The following CSMD1 variants were observed in gnomAD, a reference collection of about 807,000 sequenced individuals.
CSMD1 encodes the protein CUB and sushi domain-containing protein 1.
A neutral mutation model predicts 417.5 loss-of-function variants in CSMD1; 213 were observed. The observed-to-expected ratio is 0.51, with a 90% CI of 0.46 to 0.57. The LOEUF is 0.57. Among genes scored for constraint, CSMD1 ranks in the 20% least tolerant of loss-of-function variants. The probability of loss-of-function intolerance (pLI) is 0.00; values close to 1 mark genes in which losing one functional copy is unlikely to be tolerated. For synonymous variants in CSMD1, 2,862 were observed against 1,736.8 expected, an observed-to-expected ratio of 1.65 and a Z score of -16.11; for missense variants, 6,923 against 4,529.7, an observed-to-expected ratio of 1.53 and a Z score of -15.17.
chr8:4,028,350 T>C (rs1339996295), intron 4 of CSMD1, among the ~76,000 whole-genome samples: 2 of 152,112 alleles, frequency 1.3e-5, no homozygotes, highest in African/African-American at 4.8e-5. Flanking sequence ...CTTATGAAGA[T>C]TAAATTTGCT....
chr8:4,451,880 TTC>T (rs932268429), intron 2 of CSMD1, among the ~76,000 whole-genome samples: 8 of 151,634 alleles, frequency 5.3e-5, no homozygotes, highest in East Asian at 1.9e-4. Context: ...ACCTCATGTG[TTC>T]TCTTTTTTCT....
intron 5 of CSMD1, among the ~76,000 whole-genome samples, chr8:3,794,429 G>A (rs1023006048): frequency 2.6e-5 from 4 of 152,114 alleles, no homozygotes; most frequent in Non-Finnish European, 2.9e-5. Context: ...TTTGTTAAAT[G>A]TAGTGATCAT....
chr8:4,550,508 CG>C (rs1797823593), intron 2 of CSMD1, among the ~76,000 whole-genome samples: 3 of 152,046 alleles, frequency 2.0e-5, no homozygotes, highest in Admixed American at 2.0e-4. Flanking sequence ...TTTAACTGTG[CG>C]GAAGCTGTTA....
At chr8:3,621,150 G>A (rs749622841) in intron 7 of CSMD1, among the ~76,000 whole-genome samples, 5 of 152,148 alleles carry the variant, frequency 3.3e-5, no homozygotes, top group Non-Finnish European at 5.9e-5. Context: ...CTTGATCTCA[G>A]GCTTCTACCC....
chr8:4,053,621 G>C (rs986794870), intron 3 of CSMD1, among the ~76,000 whole-genome samples: 1 of 151,940 alleles, frequency 6.6e-6, no homozygotes, highest in Non-Finnish European at 1.5e-5. Flanking sequence ...TATTACTACA[G>C]ATTTCATTTG....
intron 3 of CSMD1, among the ~76,000 whole-genome samples, chr8:4,250,256 C>A (rs1715102182): frequency 6.6e-6 from 1 of 152,144 alleles, no homozygotes; most frequent in Non-Finnish European, 1.5e-5. Context: ...CCTGCAAGAA[C>A]AAAAAGCCTC....
chr8:4,901,452 A>T (rs1804865287), intron 1 of CSMD1, among the ~76,000 whole-genome samples: 1 of 152,318 alleles, frequency 6.6e-6, no homozygotes, highest in Non-Finnish European at 1.5e-5. Flanking sequence ...TTTAATACAT[A>T]GTTGAGAATT....
intron 3 of CSMD1, among the ~76,000 whole-genome samples, chr8:4,067,087 G>A (rs996014065): frequency 6.6e-6 from 1 of 152,232 alleles, no homozygotes; most frequent in Non-Finnish European, 1.5e-5. Flanking sequence ...ACACAGAGAA[G>A]GGTACAAGGC....
intron 2 of CSMD1, among the ~76,000 whole-genome samples, chr8:4,440,716 C>A (rs1421351593): frequency 6.6e-6 from 1 of 152,160 alleles, no homozygotes; most frequent in East Asian, 1.9e-4. Context: ...TTAATTCTGG[C>A]CGGGTGTGGT....
intron 10 of CSMD1, among the ~76,000 whole-genome samples, chr8:3,537,340 C>A (rs538441155): frequency 6.4e-4 from 97 of 152,320 alleles, no homozygotes; most frequent in South Asian, 1.2e-3. Flanking sequence ...TTCCTATCAC[C>A]TGTATGAGTT....
At chr8:4,391,887 C>G (rs888792493) in intron 3 of CSMD1, among the ~76,000 whole-genome samples, 3 of 152,264 alleles carry the variant, frequency 2.0e-5, no homozygotes, top group African/African-American at 4.8e-5. Context: ...CAGCTTCTGC[C>G]GAGAGCTTCT....
chr8:4,482,531 T>A (rs1248674771), intron 2 of CSMD1, among the ~76,000 whole-genome samples: 1 of 152,246 alleles, frequency 6.6e-6, no homozygotes, highest in Non-Finnish European at 1.5e-5. Flanking sequence ...GTCTTTGCTA[T>A]TGTGAATAGT....
intron 1 of CSMD1, among the ~76,000 whole-genome samples, chr8:4,918,494 C>T (rs550340518): frequency 2.2e-4 from 34 of 152,046 alleles, no homozygotes; most frequent in African/African-American, 8.0e-4. Flanking sequence ...TGTATGTCTG[C>T]TCCAATATTT....
At chr8:4,292,556 C>G (rs779912516) in intron 3 of CSMD1, among the ~76,000 whole-genome samples, 4 of 152,058 alleles carry the variant, frequency 2.6e-5, no homozygotes, top group Non-Finnish European at 5.9e-5. Flanking sequence ...CGTGCCCGCC[C>G]GAATTTTTTA....
In CSMD1 at chr8:4,498,570, C is replaced by A. The variant is rs190259973; in HGVS notation, c.303-78505G>T. Among the ~76,000 whole-genome samples, 157 of 152,182 alleles carry A rather than the reference C, an allele frequency of 1.0e-3. 1 individual carries two copies. Among genetic ancestry groups the A allele is most frequent in the Admixed American group, 1.9e-3 (29 of 15,280 alleles). On this transcript the variant is annotated intron_variant, in intron 2 of 69. Coordinates refer to ENST00000635120, the MANE Select transcript of CSMD1 (RefSeq NM_033225.6). ...ATGTCCAGACTCGTACTGAAACTTG[C>A]AGAAAGATGATTCAATTATAAAATA...
intron 25 of CSMD1, among the ~76,000 whole-genome samples, chr8:3,289,886 C>A (rs924239836): frequency 3.4e-5 from 5 of 147,594 alleles, no homozygotes; most frequent in Non-Finnish European, 5.9e-5. Context: ...GCATTTTAGA[C>A]ATGAAGTCCT....
At chr8:4,936,190 G>A (rs987343727) in intron 1 of CSMD1, among the ~76,000 whole-genome samples, 2 of 152,166 alleles carry the variant, frequency 1.3e-5, no homozygotes, top group Non-Finnish European at 2.9e-5. Context: ...TTGAGAGGCA[G>A]AAATTATTAT....
intron 5 of CSMD1, among the ~76,000 whole-genome samples, chr8:3,892,649 G>A (rs113154780): frequency 4.0e-5 from 6 of 151,360 alleles, no homozygotes; most frequent in African/African-American, 9.7e-5. Flanking sequence ...TTGGCACGTC[G>A]TGGGATTTTT....
chr8:3,483,982 C>A (rs1476123906), intron 11 of CSMD1, among the ~76,000 whole-genome samples: 1 of 152,156 alleles, frequency 6.6e-6, no homozygotes, highest in East Asian at 1.9e-4. Context: ...GTAAATATGT[C>A]AATTTTCTCC....
Sources: gnomAD v4.1 joint callset for allele counts (sites outside exome capture counted in the v4.1 genomes callset) on GRCh38, gnomAD v4.1.1 for gene constraint, MANE v1.5 for transcripts, NCBI Gene and HGNC (gene_info 2026-07-23, HGNC 2026-07-21) for gene names.